PDE11A: variants seen among roughly 807,000 people sequenced by gnomAD.
The protein encoded by PDE11A is phosphodiesterase 11A.
A neutral mutation model predicts 100.5 loss-of-function variants in PDE11A; 100 were observed. The ratio of observed to expected loss-of-function variants is 1.00; its 90% CI spans 0.85 to 1.18. The LOEUF (loss-of-function observed/expected upper bound fraction) is 1.18, where lower values mean the gene tolerates loss of function less well. PDE11A is among the 50% of genes most tolerant of loss of function. The probability of loss-of-function intolerance (pLI) is 0.00; values close to 1 mark genes in which losing one functional copy is unlikely to be tolerated. For missense variants in PDE11A, 1,141 were observed against 1,152.6 expected (o/e 0.99, Z 0.15); for synonymous variants, 381 against 420.8 (o/e 0.91, Z 1.16).
At chr2:177,967,200 CTT>C (rs34293348) in intron 2 of PDE11A, among the ~76,000 whole-genome samples, 114 of 106,204 alleles carry the variant, frequency 1.1e-3, no homozygotes, top group African/African-American at 1.5e-3. Context: ...TCTCCTTTGT[CTT>C]TTTTTTTTTT....
intron 5 of PDE11A, among the ~76,000 whole-genome samples, chr2:177,851,082 C>T (rs967758738): frequency 6.6e-6 from 1 of 152,126 alleles, no homozygotes; most frequent in African/African-American, 2.4e-5. Flanking sequence ...AAGACACATG[C>T]ACACGTATGT....
At chr2:178,023,094 C>T (rs1054412347) in intron 1 of PDE11A, among the ~76,000 whole-genome samples, 2 of 152,144 alleles carry the variant, frequency 1.3e-5, no homozygotes, top group African/African-American at 4.8e-5. Flanking sequence ...CCTGTGCCTC[C>T]TTCATAGAGA....
Position 177,979,611 on chromosome 2 carries a change from CT to C in PDE11A, c.1071+34690del, listed in dbSNP as rs57168619. The stretch of plus-strand genomic sequence containing the variant: ...GTGTGAATGGATATCCTCAGATGAT[CT>C]TTTTTTTTTTTTTTTTGAGACAGAG... On this transcript the variant is annotated intron_variant, in intron 2 of 19. Transcript: ENST00000286063. Among the ~76,000 whole-genome samples, 133 of 106,822 alleles carry C rather than the reference CT, an allele frequency of 1.2e-3. 1 individual carries two copies. The highest frequency in any genetic ancestry group is 1.5e-3 in the Admixed American group (16 of 10,460). 70.1% of individuals were successfully genotyped at this position (106,822 alleles called of 152,430 possible). A position where few individuals can be genotyped will look rare whatever the true frequency, so the allele number is the denominator to read the frequency against.
chr2:177,629,925 G>T (rs910705453), intron 19 of PDE11A, among the ~76,000 whole-genome samples: 1 of 152,126 alleles, frequency 6.6e-6, no homozygotes, highest in Admixed American at 6.5e-5. Flanking sequence ...CTGCCACAGA[G>T]GGCTCCAGAT....
At chr2:178,003,163 G>A (rs1370798549) in intron 2 of PDE11A, among the ~76,000 whole-genome samples, 2 of 152,238 alleles carry the variant, frequency 1.3e-5, no homozygotes, top group East Asian at 3.9e-4. Flanking sequence ...TTAAACACTA[G>A]AGTTATTTTA....
intron 4 of PDE11A, among the ~76,000 whole-genome samples, chr2:177,879,799 CTT>C (rs2084299634): frequency 1.3e-5 from 2 of 152,088 alleles, no homozygotes; most frequent in Non-Finnish European, 2.9e-5. Flanking sequence ...ATATACATCT[CTT>C]AATGAAATGA....
intron 2 of PDE11A, among the ~76,000 whole-genome samples, chr2:177,911,207 T>G (rs968466886): frequency 1.3e-5 from 2 of 152,160 alleles, no homozygotes; most frequent in Non-Finnish European, 2.9e-5. Flanking sequence ...AATAAACTCT[T>G]CAAGTAGAGT....
intron 2 of PDE11A, among the ~76,000 whole-genome samples, chr2:177,999,939 C>G (rs2086123581): frequency 1.3e-5 from 2 of 152,226 alleles, no homozygotes; most frequent in African/African-American, 4.8e-5. Flanking sequence ...CATACTCTCA[C>G]TCCAGCTTGG....
chr2:177,715,556 T>C (rs185678095), intron 12 of PDE11A, among the ~76,000 whole-genome samples: 1 of 152,060 alleles, frequency 6.6e-6, no homozygotes, highest in South Asian at 2.1e-4. Flanking sequence ...ACTGGACTTC[T>C]GGTACTGATT....
chr2:178,031,589 T>A (rs2086548105), intron 1 of PDE11A, among the ~76,000 whole-genome samples: 1 of 152,026 alleles, frequency 6.6e-6, no homozygotes, highest in Admixed American at 6.5e-5. Flanking sequence ...ATACCTAGGA[T>A]ACAATATAGC....
At chr2:177,664,347 G>A (rs1242313910) in intron 18 of PDE11A, among the ~76,000 whole-genome samples, 3 of 152,080 alleles carry the variant, frequency 2.0e-5, no homozygotes, top group Middle Eastern at 3.2e-3. Context: ...GATAGAATAG[G>A]ACAAATCGGA....
rs2105826654 is a variant in PDE11A, at chr2:178,013,416, T to G, written c.1071+886A>C. Among the ~76,000 whole-genome samples the G allele has an allele frequency of 1.3e-5, 2 of 152,342 alleles. 1 individual carries two copies. The highest frequency in any genetic ancestry group is 4.1e-4 in the South Asian group (2 of 4,834). ...AAATGACCTCAATCAAGGACTGTCT[T>G]CACTTAAAAACCTTCTTGTTTCCTT... On this transcript the variant is annotated intron_variant, in intron 2 of 19. Coordinates refer to ENST00000286063, the MANE Select transcript of PDE11A (RefSeq NM_016953.4).
At chr2:177,923,369 CAA>C (rs5836634) in intron 2 of PDE11A, among the ~76,000 whole-genome samples, 59 of 147,738 alleles carry the variant, frequency 4.0e-4, no homozygotes, top group Admixed American at 6.1e-4. Context: ...TCTCCCCCAG[CAA>C]AAAAAAAAAG....
chr2:177,836,319 A>T (rs1000444277), intron 6 of PDE11A, among the ~76,000 whole-genome samples: 1 of 151,176 alleles, frequency 6.6e-6, no homozygotes, highest in Non-Finnish European at 1.5e-5. Flanking sequence ...ACCAATCAGC[A>T]CTCTGTATCT....
At chr2:177,997,581 C>T (rs1362613318) in intron 2 of PDE11A, 23 of 914,728 alleles carry the variant, frequency 2.5e-5, no homozygotes, top group Admixed American at 1.4e-4. Flanking sequence ...TCACCTGTTT[C>T]ACCTGGAGAG....
intron 17 of PDE11A, among the ~76,000 whole-genome samples, chr2:177,670,669 C>G (rs924828205): frequency 6.6e-6 from 1 of 152,126 alleles, no homozygotes; most frequent in African/African-American, 2.4e-5. Context: ...TAATTTTGGT[C>G]AAGTGCACAG....
At position 177,804,090 on chromosome 2, in the gene PDE11A, A is replaced by C. The variant is rs117953421; in HGVS notation, c.1737+12739T>G. 1.7e-3 allele frequency among the ~76,000 whole-genome samples: 263 copies of C among 152,140 alleles called. 2 individuals carry two copies. The East Asian group carries it at 0.023, about 14-fold the overall frequency. On this transcript the variant is annotated intron_variant, in intron 9 of 19. Transcript: ENST00000286063. The stretch of plus-strand genomic sequence containing the variant: ...TGACCAAGCCCTCAAAAGCAAAGGC[A>C]ACAAAAACAAAAATAGACAAATGAG...
chr2:177,801,933 C>T (rs546061180), intron 9 of PDE11A, among the ~76,000 whole-genome samples: 3 of 151,872 alleles, frequency 2.0e-5, no homozygotes, highest in Non-Finnish European at 4.4e-5. Flanking sequence ...AAGCAAGCTG[C>T]AAATTGGGTG....
At chr2:177,796,523 A>C (rs2105545910) in intron 9 of PDE11A, among the ~76,000 whole-genome samples, 1 of 152,230 alleles carries the variant, frequency 6.6e-6, no homozygotes, top group South Asian at 2.1e-4. Context: ...AATCCAGCAC[A>C]GTGTGGAGGG....
Sources: gnomAD v4.1 joint callset for allele counts (sites outside exome capture counted in the v4.1 genomes callset) on GRCh38, gnomAD v4.1.1 for gene constraint, MANE v1.5 for transcripts, NCBI Gene and HGNC (gene_info 2026-07-23, HGNC 2026-07-21) for gene names.